Variants in CCDC102B observed in about 807,000 individuals in gnomAD.
CCDC102B encodes the protein coiled-coil domain containing 102B.
In CCDC102B, 75 loss-of-function variants were observed where a neutral mutation model predicts 57.4. The ratio of observed to expected loss-of-function variants is 1.31; its 90% CI spans 1.08 to 1.58. The LOEUF (loss-of-function observed/expected upper bound fraction) is 1.58, where lower values mean the gene tolerates loss of function less well. Among genes scored for constraint, CCDC102B ranks in the 40% most tolerant of loss-of-function variants. The pLI is 0.00. For synonymous variants in CCDC102B, 206 were observed against 201.9 expected (o/e 1.02, Z -0.17); for missense variants, 636 against 582.6 (o/e 1.09, Z -0.94).
rs1245657927 is a variant in CCDC102B, at chr18:68,889,486, C to T, written c.1054-7733C>T. Reference sequence around the variant, plus strand: ...CCAGGCTGGAGTGCAATGGTGCAGTCTCAGCTCACCGCAACCTCCGCCTCC... The same window carrying T: ...CCAGGCTGGAGTGCAATGGTGCAGTTTCAGCTCACCGCAACCTCCGCCTCC... On this transcript the variant is annotated intron_variant, in intron 5 of 7. Coordinates refer to ENST00000360242, the MANE Select transcript of CCDC102B (RefSeq NM_024781.3). Among the ~76,000 whole-genome samples the T allele has an allele frequency of 2.6e-5, 4 of 152,228 alleles. No homozygotes were observed. In the East Asian group the frequency reaches 7.7e-4, roughly 29 times the overall value.
intron 5 of CCDC102B, among the ~76,000 whole-genome samples, chr18:68,879,061 G>A (rs979979574): frequency 3.9e-5 from 6 of 152,004 alleles, no homozygotes; most frequent in Admixed American, 1.3e-4. Flanking sequence ...GCAGACCTTC[G>A]CGGTGAGTGT....
intron 2 of CCDC102B, among the ~76,000 whole-genome samples, chr18:68,747,185 C>A (rs2033653437): frequency 6.6e-6 from 1 of 152,010 alleles, no homozygotes; most frequent in Admixed American, 6.6e-5. Flanking sequence ...TTCCTTCTAT[C>A]TAATTGTAAG....
intron 4 of CCDC102B, among the ~76,000 whole-genome samples, chr18:68,846,839 C>T (rs1181592829): frequency 6.6e-6 from 1 of 151,710 alleles, no homozygotes; most frequent in Non-Finnish European, 1.5e-5. Flanking sequence ...ATGACTTTAT[C>T]TTATTCTTTC....
Position 68,814,099 on chromosome 18 carries a change from G to GT in CCDC102B, c.-16+15919dup, listed in dbSNP as rs567815008. Among the ~76,000 whole-genome samples the GT allele has an allele frequency of 9.9e-5, 15 of 152,176 alleles. No homozygotes were observed. In the South Asian group the frequency reaches 2.9e-3, roughly 29 times the overall value. ...GAATTAATTTTCTGTAGAGTGAGAA[G>GT]TATAAAAGGCTTTCTCTAAACTCCT... On this transcript the variant is annotated intron_variant, in intron 1 of 7. Coordinates refer to ENST00000360242, the MANE Select transcript of CCDC102B (RefSeq NM_024781.3).
chr18:68,976,271 A>G (rs910702532), intron 6 of CCDC102B, among the ~76,000 whole-genome samples: 1 of 152,050 alleles, frequency 6.6e-6, no homozygotes, highest in Non-Finnish European at 1.5e-5. Context: ...TTAATTAAAT[A>G]TGCTTTGAAT....
chr18:69,026,472 A>C (rs1309839367), intron 7 of CCDC102B, among the ~76,000 whole-genome samples: 2 of 151,864 alleles, frequency 1.3e-5, no homozygotes, highest in South Asian at 2.1e-4. Flanking sequence ...AAAAAAAAAA[A>C]AAAACCCCAG....
chr18:68,904,945 AGT>A (rs1391689556), intron 6 of CCDC102B, among the ~76,000 whole-genome samples: 2 of 152,078 alleles, frequency 1.3e-5, no homozygotes, highest in African/African-American at 2.4e-5. Context: ...TACTAAATAT[AGT>A]GTTTGGCACA....
chr18:68,724,847 T>C (rs1458580541), intron 2 of CCDC102B, among the ~76,000 whole-genome samples: 1 of 152,218 alleles, frequency 6.6e-6, no homozygotes, highest in East Asian at 1.9e-4. Context: ...GCTTCCACAT[T>C]TTCAGGTATC....
chr18:68,757,594 T>G (rs2034095343), intron 2 of CCDC102B, among the ~76,000 whole-genome samples: 1 of 152,194 alleles, frequency 6.6e-6, no homozygotes, highest in South Asian at 2.1e-4. Flanking sequence ...TGCTTTATAT[T>G]AATTGTTGCC....
In CCDC102B at chr18:68,837,319, G is replaced by C. The variant is rs1322716154; in HGVS notation, c.556G>C (p.Glu186Gln). The change falls in exon 2 of 8, where the codon GAG (glutamate) becomes CAG (glutamine). Residue 186 changes from glutamate to glutamine, a missense_variant. By Grantham distance (29) the Glu-to-Gln change is conservative. Coordinates refer to ENST00000360242, the MANE Select transcript of CCDC102B (RefSeq NM_024781.3). ...TTCACAAATGCATGAGTCTATCAGA[G>C]AGTATTTGGTAAAAAGACAATTTTC... is the stretch of plus-strand genomic sequence containing the variant. ...LSSQMHESIR[E>Q]YLVKRQFSTK... 1 of 1,612,660 alleles carries C rather than the reference G, an allele frequency of 6.2e-7. No homozygotes were observed. The highest frequency in any genetic ancestry group is 1.3e-5 in the African/African-American group (1 of 74,852).
chr18:69,056,310 CA>C (rs2052813783), downstream of CCDC102B, among the ~76,000 whole-genome samples: 1 of 152,010 alleles, frequency 6.6e-6, no homozygotes, highest in East Asian at 1.9e-4. Flanking sequence ...GTGCAACAAT[CA>C]ATGCCAAAAC....
intron 2 of CCDC102B, among the ~76,000 whole-genome samples, chr18:68,727,269 A>G (rs1272512819): frequency 1.3e-5 from 2 of 152,120 alleles, no homozygotes; most frequent in Non-Finnish European, 2.9e-5. Context: ...GCCCATAACC[A>G]TGGTCAATAG....
At chr18:68,943,167 T>C (rs2145174242) in intron 6 of CCDC102B, among the ~76,000 whole-genome samples, 1 of 151,696 alleles carries the variant, frequency 6.6e-6, no homozygotes, top group South Asian at 2.1e-4. Context: ...CAGAACAAAA[T>C]GGAGTCTCTT....
At chr18:68,897,761 C>T in intron 6 of CCDC102B, 2 of 614,750 alleles carry the variant, frequency 3.3e-6, no homozygotes, top group Middle Eastern at 8.5e-4. Flanking sequence ...GATCTTATTT[C>T]CAATAAAGAT....
intron 6 of CCDC102B, among the ~76,000 whole-genome samples, chr18:68,902,460 C>G (rs1416038059): frequency 1.3e-5 from 2 of 152,148 alleles, no homozygotes; most frequent in Non-Finnish European, 2.9e-5. Flanking sequence ...TTATATGGGT[C>G]AGAGGTTTGA....
intron 2 of CCDC102B, among the ~76,000 whole-genome samples, chr18:68,742,235 C>T (rs1054929169): frequency 6.6e-6 from 1 of 152,180 alleles, no homozygotes; most frequent in African/African-American, 2.4e-5. Flanking sequence ...TTTCTTGGCT[C>T]ATAGAAGCAT....
At chr18:68,847,421 T>TAA (rs11404072) in intron 4 of CCDC102B, among the ~76,000 whole-genome samples, 1 of 151,264 alleles carries the variant, frequency 6.6e-6, no homozygotes, top group Non-Finnish European at 1.5e-5. Flanking sequence ...AAAATTTAAG[T>TAA]AAAAAAAAGA....
At chr18:68,935,099 A>G (rs1249614203) in intron 6 of CCDC102B, among the ~76,000 whole-genome samples, 2 of 151,822 alleles carry the variant, frequency 1.3e-5, no homozygotes, top group Non-Finnish European at 2.9e-5. Context: ...CTATAAGGTG[A>G]CATTGAAACT....
In CCDC102B at chr18:69,048,865, G is replaced by A. The variant is rs115273207; in HGVS notation, c.1435-5165G>A. On this transcript the variant is annotated intron_variant, in intron 7 of 7. Coordinates refer to ENST00000360242, the MANE Select transcript of CCDC102B (RefSeq NM_024781.3). ...TCATCTTTAGCAGTGGTTTGACTTT[G>A]TATAGAGGAGGATTGATATTTCTTG... 6.5e-3 allele frequency among the ~76,000 whole-genome samples: 985 copies of A among 152,028 alleles called. 14 individuals carry two copies. The highest frequency in any genetic ancestry group is 0.023 in the African/African-American group (939 of 41,496).
Sources: gnomAD v4.1 joint callset for allele counts (sites outside exome capture counted in the v4.1 genomes callset) on GRCh38, gnomAD v4.1.1 for gene constraint, MANE v1.5 for transcripts, NCBI Gene and HGNC (gene_info 2026-07-23, HGNC 2026-07-21) for gene names.